The following TTLL10 variants were observed in gnomAD, a reference collection of about 807,000 sequenced individuals.
TTLL10 encodes the protein tubulin tyrosine ligase like 10.
A neutral mutation model predicts 69.0 loss-of-function variants in TTLL10; 61 were observed. The observed-to-expected ratio is 0.88, with a 90% confidence interval of 0.72 to 1.09. The LOEUF (loss-of-function observed/expected upper bound fraction) is 1.09. Among genes scored for constraint, TTLL10 ranks in the 50% least tolerant of loss-of-function variants. The pLI is 0.00. For missense variants in TTLL10, 962 were observed against 945.9 expected (o/e 1.02, Z -0.22); for synonymous variants, 408 against 393.3 (o/e 1.04, Z -0.44).
intron 13 of TTLL10, among the ~76,000 whole-genome samples, chr1:1,192,535 G>A: frequency 6.6e-6 from 1 of 151,420 alleles, no homozygotes; most frequent in Non-Finnish European, 1.5e-5. Context: ...GTTGGTATGA[G>A]TGTAGACACT....
At chr1:1,179,363 A>G in intron 4 of TTLL10, 30 bp downstream of exon 4, 1 of 1,542,224 alleles carries the variant, frequency 6.5e-7, no homozygotes, top group Non-Finnish European at 8.8e-7. Flanking sequence ...GTGGCCTCCT[A>G]CCTCTCCAAG....
At chr1:1,177,959 G>C (rs565708631) in intron 3 of TTLL10, among the ~76,000 whole-genome samples, 24 of 152,136 alleles carry the variant, frequency 1.6e-4, no homozygotes, top group Non-Finnish European at 3.2e-4. Context: ...CCTGTGTTCC[G>C]CTCCTCCCTG....
chr1:1,174,178 TG>T (rs1205438071), intron 1 of TTLL10, 106 bp from the exon 2 acceptor site: 5 of 140,930 alleles, frequency 3.5e-5, no homozygotes, highest in Non-Finnish European at 4.7e-5. Flanking sequence ...GTGGGAGGGC[TG>T]GGCAGCCCTG....
Position 1,181,777 on chromosome 1 carries a change from C to A in TTLL10, c.792C>A (p.Asp264Glu), listed in dbSNP as rs776420766. 6.2e-7 allele frequency: 1 copy of A among 1,609,230 alleles called. No individual in the cohort carries two copies. The highest frequency in any genetic ancestry group is 8.5e-7 in the Non-Finnish European group (1 of 1,178,780). ...ACGCAGCAGCGCCCGCCCTGGAGGA[C>A]CTCCCGTGGACAAGCCCAGGATACC... The part of the protein sequence containing the change: ...EKDAAAPALE[D>E]LPWTSPGYLR... The change falls in exon 9 of 16, where the codon GAC becomes GAA. Residue 264 changes from aspartate (D) to glutamate (E), a missense_variant. Transcript: ENST00000379289. This position sits in a 1 kb window ranked among gnomAD's most constrained non-coding sequence, Gnocchi z 4.6.
intron 13 of TTLL10, among the ~76,000 whole-genome samples, chr1:1,192,006 G>A (rs538163043): frequency 4.5e-4 from 69 of 152,352 alleles, no homozygotes; most frequent in Middle Eastern, 3.4e-3. Context: ...CAGCGTGGGC[G>A]TTAGGGCCAT....
In TTLL10 at chr1:1,180,815, G is replaced by A. The variant is rs200847553; in HGVS notation, c.710G>A (p.Arg237Gln). ...GLLSTLRGRA[R>Q]AMSKASKVPG... is the part of the protein sequence containing the mutation. Reference sequence around the variant, plus strand: ...CTCAGCACCCTTCGGGGACGGGCACGGGCCATGAGCAAGGCCAGCAAGGTG... The same window carrying A: ...CTCAGCACCCTTCGGGGACGGGCACAGGCCATGAGCAAGGCCAGCAAGGTG... The change falls in exon 8 of 16, where the codon CGG becomes CAG. Residue 237 changes from arginine to glutamine, a missense_variant. Transcript: ENST00000379289. The A allele has an allele frequency of 1.1e-4, 172 of 1,600,642 alleles. No homozygotes were observed. Among genetic ancestry groups the A allele is most frequent in the East Asian group, 3.7e-4 (16 of 43,546 alleles).
At chr1:1,188,748 G>A (rs1033527586) in intron 13 of TTLL10, among the ~76,000 whole-genome samples, 1 of 152,094 alleles carries the variant, frequency 6.6e-6, no homozygotes, top group Non-Finnish European at 1.5e-5. Context: ...TGTAAGTCAC[G>A]TAGCAGTGGC....
intron 13 of TTLL10, among the ~76,000 whole-genome samples, chr1:1,186,725 T>C (rs1647351346): frequency 6.6e-6 from 1 of 152,216 alleles, no homozygotes; most frequent in South Asian, 2.1e-4. Flanking sequence ...ATTTCCATTT[T>C]GCTAATGACA....
intron 11 of TTLL10, among the ~76,000 whole-genome samples, chr1:1,183,633 G>A (rs185207719): frequency 5.0e-4 from 76 of 152,286 alleles, no homozygotes; most frequent in African/African-American, 9.6e-4. Context: ...CCCGCCTGGC[G>A]CGCTCCTTCC....
intron 10 of TTLL10, 28 bp downstream of exon 10, chr1:1,182,474 C>T (rs1476031760): frequency 6.2e-7 from 1 of 1,610,966 alleles, no homozygotes; most frequent in Non-Finnish European, 8.5e-7. Context: ...GGACACCAGG[C>T]TGGCCCTGGG....
In TTLL10 at chr1:1,180,360, G is replaced by T; in HGVS notation, c.506+20G>T. The T allele has an allele frequency of 6.5e-7, 1 of 1,546,688 alleles. No homozygotes were observed. Among genetic ancestry groups the T allele is most frequent in the South Asian group, 1.2e-5 (1 of 83,310 alleles). ...CACAATGTGAGTAGCGGCCCTGGGCGCCCGTGGTCCCACTGAATACCCACC... is the reference window on the plus strand; with the variant it reads ...CACAATGTGAGTAGCGGCCCTGGGCTCCCGTGGTCCCACTGAATACCCACC... On this transcript the variant is annotated intron_variant, in intron 6 of 15. Transcript: ENST00000379289.
intron 3 of TTLL10, chr1:1,175,764 T>C (rs1319581963): frequency 9.3e-6 from 4 of 427,824 alleles, no homozygotes; most frequent in Non-Finnish European, 1.9e-5. Context: ...GCTGCTGTTG[T>C]GCAGGTGGAG....
At chr1:1,176,469 TGA>T (rs1646876150) in intron 3 of TTLL10, 16 of 450,186 alleles carry the variant, frequency 3.6e-5, no homozygotes, top group South Asian at 2.3e-4. Context: ...CTCACTCCTG[TGA>T]GAGTCTTCCA....
chr1:1,186,661 T>G (rs1647347125), intron 13 of TTLL10, among the ~76,000 whole-genome samples: 1 of 152,158 alleles, frequency 6.6e-6, no homozygotes, highest in African/African-American at 2.4e-5. Flanking sequence ...TTTCCTTTCT[T>G]TATTAAAGAA....
chr1:1,176,577 T>G (rs1375398266), intron 3 of TTLL10, among the ~76,000 whole-genome samples: 2 of 152,186 alleles, frequency 1.3e-5, no homozygotes, highest in Non-Finnish European at 2.9e-5. Context: ...ATTCCTGGAA[T>G]TCCCGGCTGG....
chr1:1,192,086 TG>T lies in TTLL10; in HGVS notation c.1402-4505del, dbSNP rs374870252. Among the ~76,000 whole-genome samples, 815 of 151,508 alleles carry T rather than the reference TG, an allele frequency of 5.4e-3. 5 individuals are homozygous for T. Among genetic ancestry groups the T allele is most frequent in the African/African-American group, 0.018 (756 of 41,324 alleles). ...TTGGGGCCAGTTTATGGCCAGATTT[TG>T]GGGGGGGGCCTGCTCCCAACATGTC... On this transcript the variant is annotated intron_variant, in intron 13 of 15. Transcript: ENST00000379289.
Position 1,197,893 on chromosome 1 carries a change from T to C in TTLL10, c.*46T>C, listed in dbSNP as rs12031928. ...CGCCCCGCGCCCCGCGCCCCAGCCG[T>C]GCTGCCTGCCCTCAGGGACCTATAA... On this transcript the variant is annotated 3_prime_UTR_variant, in exon 16 of 16. Transcript: ENST00000379289. The C allele has an allele frequency of 0.3, 415,153 of 1,383,184 alleles. 71,483 individuals are homozygous for C. Among genetic ancestry groups the C allele is most frequent in the East Asian group, 0.86 (28,636 of 33,136 alleles). The allele number at this position is 1,383,184 out of a possible 1,614,324, so 85.7% of individuals were successfully genotyped here. A position where few individuals can be genotyped will look rare whatever the true frequency, so the allele number is the denominator to read the frequency against.
chr1:1,196,576 G>C (rs201290686), intron 13 of TTLL10, 24 bp from the exon 14 acceptor site: 4 of 1,537,334 alleles, frequency 2.6e-6, no homozygotes, highest in Admixed American at 3.9e-5. Context: ...GCCGCAGCCA[G>C]GATGCCTCCC....
intron 13 of TTLL10, among the ~76,000 whole-genome samples, chr1:1,186,850 GTT>G (rs35158481): frequency 1.1e-4 from 16 of 140,334 alleles, no homozygotes; most frequent in Admixed American, 2.9e-4. Context: ...TTTGTTTTTT[GTT>G]TTTTTTTTTT....
Sources: allele counts gnomAD v4.1 joint callset (sites outside exome capture counted in the v4.1 genomes callset), GRCh38; gene constraint gnomAD v4.1.1; non-coding constraint Gnocchi (gnomAD v3.1); transcripts MANE v1.5; gene names NCBI Gene and HGNC (gene_info 2026-07-23, HGNC 2026-07-21).